HTR1F: variants seen among roughly 807,000 people sequenced by gnomAD.
HTR1F encodes 5-hydroxytryptamine (serotonin) receptor 1F, G protein-coupled.
A neutral mutation model predicts 24.0 loss-of-function variants in HTR1F; 17 were observed. The ratio of observed to expected loss-of-function variants is 0.71; its 90% confidence interval spans 0.48 to 1.06. The LOEUF (loss-of-function observed/expected upper bound fraction) is 1.06. Ranked by LOEUF, HTR1F falls within the 50% of genes least tolerant of loss-of-function variation. The probability of loss-of-function intolerance (pLI) is 0.00; values close to 1 mark genes in which losing one functional copy is unlikely to be tolerated. For missense variants in HTR1F, 391 were observed against 427.8 expected (o/e 0.91, Z 0.76); for synonymous variants, 186 against 156.8 (o/e 1.19, Z -1.39).
intron 2 of HTR1F, among the ~76,000 whole-genome samples, chr3:87,849,139 C>T (rs1285729054): frequency 1.7e-4 from 26 of 151,500 alleles, no homozygotes; most frequent in Non-Finnish European, 3.7e-4. Flanking sequence ...AAAAAGAGCC[C>T]GCATTGCCAA....
At chr3:87,949,869 G>T (rs553325486) in intron 2 of HTR1F, among the ~76,000 whole-genome samples, 1 of 152,148 alleles carries the variant, frequency 6.6e-6, no homozygotes, top group Admixed American at 6.5e-5. Flanking sequence ...TCTACTTTAC[G>T]TTGCTAGAAA....
intron 2 of HTR1F, among the ~76,000 whole-genome samples, chr3:87,865,108 T>C (rs1400924658): frequency 1.3e-5 from 2 of 152,128 alleles, no homozygotes. Context: ...ATCTGAGTTA[T>C]TTAGTCATAC....
chr3:87,851,210 T>C (rs1359941533), intron 2 of HTR1F, among the ~76,000 whole-genome samples: 2 of 151,754 alleles, frequency 1.3e-5, no homozygotes, highest in Non-Finnish European at 1.5e-5. Context: ...ATTATGCTCT[T>C]TATTTTGCAA....
At chr3:87,923,192 T>G (rs1221251417) in intron 2 of HTR1F, among the ~76,000 whole-genome samples, 1 of 152,046 alleles carries the variant, frequency 6.6e-6, no homozygotes, top group African/African-American at 2.4e-5. Flanking sequence ...TAAAGTCAGG[T>G]GGTATGATGC....
intron 2 of HTR1F, among the ~76,000 whole-genome samples, chr3:87,908,318 T>G (rs1703708187): frequency 6.6e-6 from 1 of 151,940 alleles, no homozygotes; most frequent in Non-Finnish European, 1.5e-5. Flanking sequence ...AATTTTCTAT[T>G]TTGTGGAAAA....
chr3:87,843,954 T>A (rs1704874617), intron 2 of HTR1F, among the ~76,000 whole-genome samples: 1 of 151,378 alleles, frequency 6.6e-6, no homozygotes, highest in Admixed American at 6.6e-5. Context: ...TGGTTCCAAG[T>A]CTTTGCTATT....
chr3:87,934,297 G>T (rs1464352554), intron 2 of HTR1F, among the ~76,000 whole-genome samples: 2 of 152,200 alleles, frequency 1.3e-5, no homozygotes, highest in African/African-American at 2.4e-5. Context: ...GTGCAAAGTT[G>T]TAGCATACAC....
chr3:87,869,416 G>GATACATACATAC (rs1488799253), intron 2 of HTR1F, among the ~76,000 whole-genome samples: 22 of 114,578 alleles, frequency 1.9e-4, no homozygotes, highest in African/African-American at 9.2e-4. Context: ...TAGATAGATA[G>GATACATACATAC]ATAGATAGAT....
intron 2 of HTR1F, among the ~76,000 whole-genome samples, chr3:87,897,444 G>T (rs1308368199): frequency 6.6e-6 from 1 of 151,982 alleles, no homozygotes; most frequent in Admixed American, 6.6e-5. Flanking sequence ...GTGCAACCTT[G>T]TCAGATAAGA....
At position 87,991,282 on chromosome 3, in the gene HTR1F, A is replaced by G. The variant is rs768758360; in HGVS notation, c.533A>G (p.His178Arg). The G allele has an allele frequency of 6.2e-7, 1 of 1,614,050 alleles. No homozygotes were observed. The highest frequency in any genetic ancestry group is 1.7e-5 in the Admixed American group (1 of 60,012). The change falls in exon 3 of 3, where the codon CAC (histidine) becomes CGC (arginine). Residue 178 changes from histidine (H) to arginine (R), a missense_variant. By Grantham distance (29) the His-to-Arg change is conservative. Transcript: ENST00000319595. Reference protein sequence around the residue: ...RDDECIIKHDHIVSTIYSTFG... With the variant: ...RDDECIIKHDRIVSTIYSTFG... ...GATGAATGCATCATCAAGCACGACC[A>G]CATTGTTTCCACCATTTACTCAACA...
chr3:87,877,268 C>T (rs1282077455), intron 2 of HTR1F, among the ~76,000 whole-genome samples: 6 of 152,206 alleles, frequency 3.9e-5, no homozygotes, highest in Admixed American at 2.0e-4. Context: ...ATGTTATTCA[C>T]TACTTAGTAT....
intron 2 of HTR1F, among the ~76,000 whole-genome samples, chr3:87,987,767 T>C: frequency 7.6e-6 from 1 of 131,166 alleles, no homozygotes; most frequent in South Asian, 2.2e-4. Context: ...TATATATATG[T>C]ATTTTATATA....
At chr3:87,823,796 A>T (rs1704407791) in intron 2 of HTR1F, among the ~76,000 whole-genome samples, 1 of 152,054 alleles carries the variant, frequency 6.6e-6, no homozygotes, top group Non-Finnish European at 1.5e-5. Flanking sequence ...ACAGTGGTTC[A>T]CGCCTGTAAC....
intron 2 of HTR1F, among the ~76,000 whole-genome samples, chr3:87,857,646 C>T (rs372611797): frequency 6.6e-6 from 1 of 152,004 alleles, no homozygotes; most frequent in Non-Finnish European, 1.5e-5. Flanking sequence ...AGAGATTTCA[C>T]ATATATCCCC....
chr3:87,983,996 C>T (rs1471398905), intron 2 of HTR1F, among the ~76,000 whole-genome samples: 3 of 152,182 alleles, frequency 2.0e-5, no homozygotes, highest in African/African-American at 4.8e-5. Flanking sequence ...TTCTGACTGC[C>T]TACAAAATAA....
intron 1 of HTR1F, among the ~76,000 whole-genome samples, chr3:87,796,294 C>T (rs1447096180): frequency 1.3e-5 from 2 of 151,640 alleles, no homozygotes; most frequent in South Asian, 4.2e-4. Context: ...ACCAGAGCAA[C>T]AGGAAAAAAT....
At chr3:87,814,125 A>G (rs1451243349) in intron 1 of HTR1F, among the ~76,000 whole-genome samples, 1 of 152,186 alleles carries the variant, frequency 6.6e-6, no homozygotes, top group African/African-American at 2.4e-5. Flanking sequence ...TCACATTTAA[A>G]GTAATGAATG....
chr3:87,966,544 T>G (rs1705166658), intron 2 of HTR1F, among the ~76,000 whole-genome samples: 2 of 152,244 alleles, frequency 1.3e-5, no homozygotes, highest in African/African-American at 4.8e-5. Context: ...TTGTGATTTC[T>G]TAACCTCGTT....
At chr3:87,853,493 C>T (rs1466575298) in intron 2 of HTR1F, among the ~76,000 whole-genome samples, 1 of 152,022 alleles carries the variant, frequency 6.6e-6, no homozygotes, top group Non-Finnish European at 1.5e-5. Flanking sequence ...AGGTTGATTC[C>T]ATGTCATTGC....
Sources: gnomAD v4.1 joint callset for allele counts (sites outside exome capture counted in the v4.1 genomes callset) on GRCh38, gnomAD v4.1.1 for gene constraint, MANE v1.5 for transcripts, NCBI Gene and HGNC (gene_info 2026-07-23, HGNC 2026-07-21) for gene names.